The following GADL1 variants were observed in gnomAD, a reference collection of about 807,000 sequenced individuals.
GADL1 encodes the protein acidic amino acid decarboxylase GADL1.
Under a neutral mutation model 69.5 loss-of-function variants are expected in GADL1, and 71 were observed. The ratio of observed to expected loss-of-function variants is 1.02; its 90% CI spans 0.84 to 1.25. GADL1 has a LOEUF of 1.25. Ranked by LOEUF, GADL1 falls within the 50% of genes most tolerant of loss-of-function variation. The pLI is 0.00. For missense variants in GADL1, 737 were observed against 631.8 expected (o/e 1.17, Z -1.79); for synonymous variants, 254 against 214.4 (o/e 1.18, Z -1.62).
intron 11 of GADL1, among the ~76,000 whole-genome samples, chr3:30,832,937 G>A (rs537971036): frequency 1.3e-5 from 2 of 151,850 alleles, no homozygotes; most frequent in African/African-American, 4.8e-5. Flanking sequence ...ATGTCAAAAC[G>A]CACAGGGCAC....
intron 11 of GADL1, among the ~76,000 whole-genome samples, chr3:30,807,093 A>G (rs1421563813): frequency 6.6e-6 from 1 of 152,192 alleles, no homozygotes. Context: ...CCCATCATAC[A>G]TAAGTATTAT....
chr3:30,813,651 G>A (rs1261923104), intron 11 of GADL1, among the ~76,000 whole-genome samples: 1 of 152,224 alleles, frequency 6.6e-6, no homozygotes, highest in Non-Finnish European at 1.5e-5. Flanking sequence ...TCTGAGGCCT[G>A]GAGTATAGGT....
chr3:30,734,810 C>T (rs1268291573), intron 14 of GADL1, among the ~76,000 whole-genome samples: 1 of 152,148 alleles, frequency 6.6e-6, no homozygotes, highest in Non-Finnish European at 1.5e-5. Flanking sequence ...ACACAGCTTG[C>T]TTTTGTCCAT....
At chr3:30,791,854 T>G (rs1696927340) in intron 12 of GADL1, among the ~76,000 whole-genome samples, 1 of 152,108 alleles carries the variant, frequency 6.6e-6, no homozygotes, top group South Asian at 2.1e-4. Flanking sequence ...AATAAGTCTC[T>G]CAGGATCTGA....
chr3:30,765,012 T>TC (rs1428273101), intron 14 of GADL1, among the ~76,000 whole-genome samples: 1 of 149,632 alleles, frequency 6.7e-6, no homozygotes, highest in African/African-American at 2.5e-5. Context: ...GGTTTAGCCA[T>TC]CTGTAGTCAC....
intron 11 of GADL1, among the ~76,000 whole-genome samples, chr3:30,824,507 C>T (rs1016240883): frequency 4.8e-5 from 4 of 83,760 alleles, no homozygotes; most frequent in Admixed American, 1.5e-4. Flanking sequence ...CAAAAATACT[C>T]ATAGCAAATT....
At chr3:30,738,200 C>T (rs575691843) in intron 14 of GADL1, among the ~76,000 whole-genome samples, 1 of 152,168 alleles carries the variant, frequency 6.6e-6, no homozygotes, top group Non-Finnish European at 1.5e-5. Context: ...CTGTACTGCT[C>T]CCTAAATGCA....
chr3:30,888,647 C>T (rs1698741356), intron 1 of GADL1, among the ~76,000 whole-genome samples: 1 of 152,058 alleles, frequency 6.6e-6, no homozygotes, highest in Non-Finnish European at 1.5e-5. Flanking sequence ...ATTAGAACTT[C>T]TTATTCTTTC....
At chr3:30,733,537 C>A (rs937031055) in intron 14 of GADL1, among the ~76,000 whole-genome samples, 2 of 152,072 alleles carry the variant, frequency 1.3e-5, no homozygotes, top group Non-Finnish European at 2.9e-5. Context: ...CTGAGACTTA[C>A]ATACCTCCCT....
chr3:30,806,946 C>T (rs1040803011), intron 11 of GADL1, among the ~76,000 whole-genome samples: 5 of 152,158 alleles, frequency 3.3e-5, no homozygotes, highest in African/African-American at 1.2e-4. Context: ...ACTAATCTGG[C>T]AGAATAAAGT....
chr3:30,759,269 A>G (rs1203808752), intron 14 of GADL1, among the ~76,000 whole-genome samples: 1 of 151,630 alleles, frequency 6.6e-6, no homozygotes, highest in Non-Finnish European at 1.5e-5. Context: ...AATTATCTAT[A>G]AATCTTTTTC....
chr3:30,766,014 T>C lies in GADL1; in HGVS notation c.1392+12165A>G, dbSNP rs573954740. On this transcript the variant is annotated intron_variant, in intron 14 of 14. Transcript: ENST00000282538. ...ATGCTCAGGTGCCAGGAAATAAGTC[T>C]TGGGAAAGCTGAGAGGCTGACCTTC... Among the ~76,000 whole-genome samples, 3 of 152,316 alleles carry C rather than the reference T, an allele frequency of 2.0e-5. No homozygotes were observed. In the East Asian group the frequency reaches 5.8e-4, roughly 29 times the overall value.
chr3:30,805,875 T>A (rs549624241), intron 11 of GADL1, among the ~76,000 whole-genome samples: 1 of 151,470 alleles, frequency 6.6e-6, no homozygotes, highest in Non-Finnish European at 1.5e-5. Context: ...TAGAGTCTCA[T>A]AAGAATCACG....
chr3:30,755,040 G>C (rs1259176278), intron 14 of GADL1, among the ~76,000 whole-genome samples: 2 of 152,140 alleles, frequency 1.3e-5, no homozygotes, highest in Admixed American at 6.6e-5. Context: ...AATATTGTTT[G>C]ATCTAGCAAG....
chr3:30,809,237 TTTAG>T (rs551932345), intron 11 of GADL1, among the ~76,000 whole-genome samples: 39 of 152,246 alleles, frequency 2.6e-4, no homozygotes, highest in African/African-American at 7.2e-4. Context: ...CTTGGATTTA[TTTAG>T]TTAGTTCATT....
chr3:30,828,443 C>A (rs752946915), intron 11 of GADL1, among the ~76,000 whole-genome samples: 8 of 139,670 alleles, frequency 5.7e-5, no homozygotes, highest in Non-Finnish European at 1.1e-4. Flanking sequence ...GACTATCCCA[C>A]TCTTTTTTCT....
chr3:30,852,787 T>C (rs894043337), intron 4 of GADL1, among the ~76,000 whole-genome samples: 1 of 152,102 alleles, frequency 6.6e-6, no homozygotes, highest in Admixed American at 6.6e-5. Context: ...TAGCAGCAAT[T>C]TAACACTCCT....
At chr3:30,851,520 A>AG (rs1698146740) in intron 4 of GADL1, among the ~76,000 whole-genome samples, 2 of 152,256 alleles carry the variant, frequency 1.3e-5, no homozygotes, top group Admixed American at 1.3e-4. Flanking sequence ...TTGTCAATGA[A>AG]GGATGTGTTG....
chr3:30,844,598 T>C (rs1053516637), intron 6 of GADL1, 132 bp from the exon 7 acceptor site: 3 of 671,900 alleles, frequency 4.5e-6, no homozygotes, highest in African/African-American at 3.6e-5. Flanking sequence ...AAAAAAGTAA[T>C]TTAATTGAGC....
Sources: allele counts gnomAD v4.1 joint callset (sites outside exome capture counted in the v4.1 genomes callset), GRCh38; gene constraint gnomAD v4.1.1; transcripts MANE v1.5; gene names NCBI Gene and HGNC (gene_info 2026-07-23, HGNC 2026-07-21).